SRGAP1: variants seen among roughly 807,000 people sequenced by gnomAD.
The protein encoded by SRGAP1 is SLIT-ROBO Rho GTPase activating protein 1, also known as SLIT-ROBO Rho GTPase-activating protein 1.
SRGAP1 carries 43 observed loss-of-function variants against 121.9 expected under a neutral mutation model. The ratio of observed to expected loss-of-function variants is 0.35; its 90% CI spans 0.28 to 0.46. The LOEUF is 0.46. SRGAP1 is among the 20% of genes least tolerant of loss of function. The probability of loss-of-function intolerance (pLI) is 1.00; values close to 1 mark genes in which losing one functional copy is unlikely to be tolerated. For missense variants in SRGAP1, 1,102 were observed against 1,350.9 expected, an observed-to-expected ratio of 0.82 and a Z score of 2.89; for synonymous variants, 447 against 485.4, an observed-to-expected ratio of 0.92 and a Z score of 1.04.
intron 11 of SRGAP1, 62 bp from the exon 12 acceptor site, chr12:64,091,214 A>C: frequency 3.3e-6 from 4 of 1,227,946 alleles, no homozygotes; most frequent in Non-Finnish European, 4.6e-6. Flanking sequence ...GATGTGACCT[A>C]TAGATGTTTC....
chr12:63,847,181 C>T (rs1401316476), intron 1 of SRGAP1, among the ~76,000 whole-genome samples: 1 of 151,592 alleles, frequency 6.6e-6, no homozygotes, highest in Non-Finnish European at 1.5e-5. Flanking sequence ...CCAAAAAATA[C>T]AAAAATTAGC....
intron 1 of SRGAP1, among the ~76,000 whole-genome samples, chr12:63,895,357 G>A (rs761308538): frequency 2.0e-5 from 3 of 152,084 alleles, no homozygotes; most frequent in East Asian, 1.9e-4. Context: ...GCCCTCTGCC[G>A]TCCAATACAG....
At chr12:64,133,534 A>C (rs937423826) in intron 21 of SRGAP1, among the ~76,000 whole-genome samples, 10 of 152,194 alleles carry the variant, frequency 6.6e-5, no homozygotes, top group Non-Finnish European at 1.3e-4. Context: ...ATTAGTCCCC[A>C]AAATGTCTGA....
At chr12:64,069,646 C>T (rs2035605403) in intron 8 of SRGAP1, among the ~76,000 whole-genome samples, 2 of 152,056 alleles carry the variant, frequency 1.3e-5, no homozygotes, top group South Asian at 4.2e-4. Context: ...TGAAGTGAAA[C>T]ATTAATAAAC....
chr12:63,900,204 C>CTTTTTTTTTTTTTT lies in SRGAP1; in HGVS notation c.67+55327_67+55340dup. 2.3e-5 allele frequency among the ~76,000 whole-genome samples: 2 copies of CTTTTTTTTTTTTTT among 87,580 alleles called. 1 individual carries two copies. The highest frequency in any genetic ancestry group is 8.7e-4 in the South Asian group (2 of 2,310). 57.5% of individuals were successfully genotyped at this position (87,580 alleles called of 152,430 possible). The stretch of plus-strand genomic sequence containing the variant: ...CTTTTTTCTTTTTCTTTTTCTTTTT[C>CTTTTTTTTTTTTTT]TTTTTTTTTTTTTTTTTTTGAGGTG... On this transcript the variant is annotated intron_variant, in intron 1 of 21. Transcript: ENST00000355086.
At chr12:63,906,944 C>G (rs1221761897) in intron 1 of SRGAP1, among the ~76,000 whole-genome samples, 1 of 151,626 alleles carries the variant, frequency 6.6e-6, no homozygotes, top group East Asian at 1.9e-4. Context: ...GGTGTGACCA[C>G]AACTCTGTTT....
intron 1 of SRGAP1, chr12:63,887,705 C>G (rs1225517933): frequency 2.0e-5 from 3 of 152,196 alleles, no homozygotes; most frequent in African/African-American, 7.2e-5. Flanking sequence ...CCACACTCTC[C>G]CCCGGGAATC....
At chr12:63,925,377 G>A (rs1179789397) in intron 1 of SRGAP1, among the ~76,000 whole-genome samples, 1 of 152,190 alleles carries the variant, frequency 6.6e-6, no homozygotes. Flanking sequence ...TAATTTTGAT[G>A]AGGGGTTTAA....
chr12:63,891,237 A>G (rs1458073041), intron 1 of SRGAP1, among the ~76,000 whole-genome samples: 1 of 152,146 alleles, frequency 6.6e-6, no homozygotes, highest in East Asian at 1.9e-4. Flanking sequence ...TTGTTATCCG[A>G]GGAAACTCCT....
chr12:63,906,462 T>C (rs2030214449), intron 1 of SRGAP1, among the ~76,000 whole-genome samples: 1 of 151,892 alleles, frequency 6.6e-6, no homozygotes, highest in Non-Finnish European at 1.5e-5. Flanking sequence ...CTACAGGCGC[T>C]GCCACCACGC....
At chr12:64,003,837 C>G (rs1593028467) in intron 3 of SRGAP1, among the ~76,000 whole-genome samples, 1 of 152,042 alleles carries the variant, frequency 6.6e-6, no homozygotes, top group Non-Finnish European at 1.5e-5. Flanking sequence ...ATGACATAAA[C>G]CTACACATTC....
chr12:63,950,996 AT>A (rs566092286), intron 1 of SRGAP1, among the ~76,000 whole-genome samples: 260 of 131,814 alleles, frequency 2.0e-3, no homozygotes, highest in Admixed American at 2.3e-3. Flanking sequence ...CAATTGTCTG[AT>A]TTTTTTTTTT....
At chr12:64,020,255 G>A (rs1410222324) in intron 4 of SRGAP1, among the ~76,000 whole-genome samples, 1 of 152,118 alleles carries the variant, frequency 6.6e-6, no homozygotes, top group Non-Finnish European at 1.5e-5. Flanking sequence ...AGGCCAGATT[G>A]TGCAGATGAT....
chr12:63,978,485 C>A (rs2033153193), intron 1 of SRGAP1, among the ~76,000 whole-genome samples: 1 of 152,172 alleles, frequency 6.6e-6, no homozygotes, highest in Non-Finnish European at 1.5e-5. Flanking sequence ...TGAGTGGTTT[C>A]ACTCACTAAA....
intron 1 of SRGAP1, among the ~76,000 whole-genome samples, chr12:63,954,447 G>C (rs1283213419): frequency 6.6e-6 from 1 of 152,160 alleles, no homozygotes; most frequent in African/African-American, 2.4e-5. Flanking sequence ...GGGAGGCTGA[G>C]GCGGGTGGAT....
At chr12:64,046,981 C>T (rs916349215) in intron 6 of SRGAP1, among the ~76,000 whole-genome samples, 3 of 151,978 alleles carry the variant, frequency 2.0e-5, no homozygotes, top group Admixed American at 1.3e-4. Context: ...GGTTATGCAG[C>T]CAATCAGGGG....
intron 1 of SRGAP1, among the ~76,000 whole-genome samples, chr12:63,845,766 T>C (rs1270191035): frequency 6.6e-6 from 1 of 152,250 alleles, no homozygotes; most frequent in African/African-American, 2.4e-5. Context: ...TCCTGAGGTC[T>C]CAGGAGTAGC....
chr12:63,989,947 T>A lies in SRGAP1; in HGVS notation c.301T>A (p.Tyr101Asn). ...CCTGTTGTCTCCAGTGAACTGCTGG[T>A]ATTTGCTCCTGAACCAAGTAAGGAG... Reference protein sequence around the residue: ...QNLLSPVNCWYLLLNQVRRES... With the variant: ...QNLLSPVNCWNLLLNQVRRES... Residue 101 changes from tyrosine (Y) to asparagine (N), a missense_variant, in exon 3 of 22, where the codon TAT becomes AAT. Coordinates refer to ENST00000355086, the MANE Select transcript of SRGAP1 (RefSeq NM_020762.4). The A allele has an allele frequency of 6.2e-7, 1 of 1,613,416 alleles. No individual in the cohort carries two copies. The highest frequency in any genetic ancestry group is 8.5e-7 in the Non-Finnish European group (1 of 1,179,736).
chr12:64,091,232 G>A, intron 11 of SRGAP1, 44 bp from the exon 12 acceptor site: 1 of 1,392,472 alleles, frequency 7.2e-7, no homozygotes, highest in South Asian at 1.5e-5. Flanking sequence ...TTCATTTATT[G>A]TTTGATTTCT....
Sources: gnomAD v4.1 joint callset for allele counts (sites outside exome capture counted in the v4.1 genomes callset) on GRCh38, gnomAD v4.1.1 for gene constraint, MANE v1.5 for transcripts, NCBI Gene and HGNC (gene_info 2026-07-23, HGNC 2026-07-21) for gene names.